RAD54L2: variants seen among roughly 807,000 people sequenced by gnomAD.
The protein encoded by RAD54L2 is RAD54 like 2, also known as helicase ARIP4.
RAD54L2 carries 27 observed loss-of-function variants against 138.4 expected under a neutral mutation model. The ratio of observed to expected loss-of-function variants is 0.20; its 90% CI spans 0.14 to 0.27. RAD54L2 has a LOEUF of 0.27. Ranked by LOEUF, RAD54L2 falls within the 10% of genes least tolerant of loss-of-function variation. RAD54L2 has a pLI of 1.00. For missense variants in RAD54L2, 1,396 were observed against 1,890.2 expected (o/e 0.74, Z 4.85); for synonymous variants, 644 against 723.2 (o/e 0.89, Z 1.76).
Position 51,640,009 on chromosome 3 carries a change from G to A in RAD54L2, c.2231+10G>A. 6.4e-7 allele frequency: 1 copy of A among 1,561,478 alleles called. No homozygotes were observed. The highest frequency in any genetic ancestry group is 8.8e-7 in the Non-Finnish European group (1 of 1,135,972). ...AGATCCTTGTGTTTAGGTAGGATGA[G>A]AAACTTCCATTTGAGGCTGTGTGTC... On this transcript the variant is annotated intron_variant, in intron 14 of 22. Coordinates refer to ENST00000684192, the MANE Select transcript of RAD54L2 (RefSeq NM_015106.4).
At position 51,578,407 on chromosome 3, in the gene RAD54L2, A is replaced by G. The variant is rs535684644; in HGVS notation, c.-54-11960A>G. 3.9e-5 allele frequency among the ~76,000 whole-genome samples: 6 copies of G among 152,286 alleles called. No homozygotes were observed. In the East Asian group the frequency reaches 9.6e-4, roughly 24 times the overall value. On this transcript the variant is annotated intron_variant, in intron 2 of 22. Transcript: ENST00000684192. ...TCAATTCCTATGCATTTTTGTAGCA[A>G]CTAATAGATTTGGTAGCCTAAGGGG...
At chr3:51,626,643 C>T (rs1700697594) in intron 3 of RAD54L2, among the ~76,000 whole-genome samples, 1 of 151,344 alleles carries the variant, frequency 6.6e-6, no homozygotes, top group Non-Finnish European at 1.5e-5. Context: ...CTGGGTTTTG[C>T]CGTGTTTGCC....
intron 19 of RAD54L2, among the ~76,000 whole-genome samples, chr3:51,655,298 A>G (rs1331719070): frequency 2.6e-5 from 4 of 152,090 alleles, no homozygotes; most frequent in Non-Finnish European, 5.9e-5. Flanking sequence ...TTAAATCAGT[A>G]GAAGCCTGGC....
intron 2 of RAD54L2, among the ~76,000 whole-genome samples, chr3:51,587,404 A>T (rs2106702554): frequency 6.6e-6 from 1 of 152,262 alleles, no homozygotes; most frequent in African/African-American, 2.4e-5. Context: ...GTCTGGCCGG[A>T]TAGTCGTTTC....
chr3:51,603,142 C>CAAAAAA (rs56410629), intron 3 of RAD54L2, among the ~76,000 whole-genome samples: 1 of 91,556 alleles, frequency 1.1e-5, no homozygotes, highest in Non-Finnish European at 2.2e-5. Flanking sequence ...ATTACTACTA[C>CAAAAAA]AAAAAAAAAA....
intron 19 of RAD54L2, among the ~76,000 whole-genome samples, chr3:51,651,052 GAAGAA>G: frequency 2.6e-5 from 4 of 152,122 alleles, no homozygotes; most frequent in Middle Eastern, 6.8e-3. Context: ...GACTAAGAAA[GAAGAA>G]AAGAGAGAAG....
chr3:51,607,854 C>T (rs1191939147), intron 3 of RAD54L2, among the ~76,000 whole-genome samples: 1 of 150,496 alleles, frequency 6.6e-6, no homozygotes, highest in Non-Finnish European at 1.5e-5. Context: ...AGGCGCCCCC[C>T]ACCTCCCAGA....
chr3:51,596,866 A>G (rs1284711297), intron 3 of RAD54L2, among the ~76,000 whole-genome samples: 1 of 152,152 alleles, frequency 6.6e-6, no homozygotes, highest in Non-Finnish European at 1.5e-5. Flanking sequence ...AGCTAAGACA[A>G]GAGTAGGGCT....
intron 9 of RAD54L2, among the ~76,000 whole-genome samples, chr3:51,635,098 G>A (rs1338764383): frequency 5.9e-5 from 9 of 152,150 alleles, no homozygotes; most frequent in Admixed American, 3.3e-4. Context: ...TGAGTGCTCC[G>A]GTGTTTGGAA....
At chr3:51,543,369 C>T (rs1349123160) in intron 2 of RAD54L2, among the ~76,000 whole-genome samples, 1 of 152,004 alleles carries the variant, frequency 6.6e-6, no homozygotes, top group East Asian at 1.9e-4. Flanking sequence ...AGCACTTTGG[C>T]AGGCCAAGGC....
chr3:51,634,741 G>A (rs1700941302), intron 9 of RAD54L2, among the ~76,000 whole-genome samples: 2 of 152,084 alleles, frequency 1.3e-5, no homozygotes, highest in East Asian at 3.8e-4. Context: ...CTTCTTTTAA[G>A]CACTGGTCTG....
In RAD54L2 at chr3:51,579,293, C is replaced by T. The variant is rs562661276; in HGVS notation, c.-54-11074C>T. Reference sequence around the variant, plus strand: ...TATGGGTGCAGGATGGGGGGCAGGGCGGGCCATGGGTGGTTTTGGAAAAGG... The same window carrying T: ...TATGGGTGCAGGATGGGGGGCAGGGTGGGCCATGGGTGGTTTTGGAAAAGG... On this transcript the variant is annotated intron_variant, in intron 2 of 22. Transcript: ENST00000684192. 2.6e-5 allele frequency among the ~76,000 whole-genome samples: 4 copies of T among 151,058 alleles called. No homozygotes were observed. The Admixed American group carries it at 2.7e-4, about 10-fold the overall frequency.
rs746699960 is a variant in RAD54L2, at chr3:51,630,759, G to A, written c.653G>A (p.Ser218Asn). 28 of 1,614,016 alleles carry A rather than the reference G, an allele frequency of 1.7e-5. No individual in the cohort carries two copies. Among genetic ancestry groups the A allele is most frequent in the Non-Finnish European group, 2.3e-5 (27 of 1,179,880 alleles). ...EEDTLHIVDS[S>N]ESVSEDDEEE... ...GACACTCTGCACATTGTGGACAGCA[G>A]TGAATCTGTCAGTGAAGATGATGAG... The change falls in exon 7 of 23, where the codon AGT becomes AAT. Residue 218 changes from serine (S) to asparagine (N), a missense_variant. By Grantham distance (46) the Ser-to-Asn change is conservative. Around this residue, in one of 7 missense-constraint regions of RAD54L2, gnomAD observed 256 missense variants for 344.6 expected, o/e 0.74. Transcript: ENST00000684192.
At chr3:51,577,443 G>A (rs1024430586) in intron 2 of RAD54L2, among the ~76,000 whole-genome samples, 27 of 152,028 alleles carry the variant, frequency 1.8e-4, no homozygotes, top group African/African-American at 6.5e-4. Context: ...TTGACAGTGG[G>A]GTGTTAAAAT....
chr3:51,598,888 G>A (rs1025515495), intron 3 of RAD54L2, among the ~76,000 whole-genome samples: 13 of 152,072 alleles, frequency 8.5e-5, no homozygotes, highest in Admixed American at 2.6e-4. Flanking sequence ...CCTTACCCTA[G>A]CATCTCCTCA....
At chr3:51,546,363 A>T (rs1698694718) in intron 2 of RAD54L2, among the ~76,000 whole-genome samples, 1 of 152,150 alleles carries the variant, frequency 6.6e-6, no homozygotes, top group African/African-American at 2.4e-5. Flanking sequence ...ACTGAAGGCC[A>T]GGCACTGTGG....
chr3:51,583,727 G>A (rs1577403297), intron 2 of RAD54L2, among the ~76,000 whole-genome samples: 2 of 151,640 alleles, frequency 1.3e-5, no homozygotes, highest in African/African-American at 4.8e-5. Flanking sequence ...ACGCCCGGCC[G>A]ACAAGTGGTA....
intron 9 of RAD54L2, 56 bp downstream of exon 9, chr3:51,634,091 T>A: frequency 6.3e-7 from 1 of 1,579,566 alleles, no homozygotes; most frequent in South Asian, 1.1e-5. Context: ...CTGTCCGTGA[T>A]CTGATGTTAA....
chr3:51,643,031 CTTTTTTTT>C (rs1212581275), intron 15 of RAD54L2, among the ~76,000 whole-genome samples: 2 of 113,210 alleles, frequency 1.8e-5, no homozygotes, highest in Non-Finnish European at 3.5e-5. Flanking sequence ...TAACTGAAGT[CTTTTTTTT>C]TTTTTTTTTT....
Sources: allele counts gnomAD v4.1 joint callset (sites outside exome capture counted in the v4.1 genomes callset), GRCh38; gene constraint gnomAD v4.1.1; regional missense constraint gnomAD v4.1.1; transcripts MANE v1.5; gene names NCBI Gene and HGNC (gene_info 2026-07-23, HGNC 2026-07-21).